PRKN: variants seen among roughly 807,000 people sequenced by gnomAD.
The protein encoded by PRKN is E3 ubiquitin-protein ligase parkin.
PRKN carries 56 observed loss-of-function variants against 59.5 expected under a neutral mutation model. The observed-to-expected ratio is 0.94, with a 90% CI of 0.76 to 1.18. The LOEUF is 1.18. Ranked by LOEUF, PRKN falls within the 50% of genes most tolerant of loss-of-function variation. PRKN has a pLI of 0.00. For synonymous variants in PRKN, 250 were observed against 222.1 expected, an observed-to-expected ratio of 1.13 and a Z score of -1.12; for missense variants, 657 against 596.4, an observed-to-expected ratio of 1.10 and a Z score of -1.06.
chr6:162,511,108 TAA>T (rs1030920939), intron 1 of PRKN, among the ~76,000 whole-genome samples: 8 of 152,160 alleles, frequency 5.3e-5, no homozygotes, highest in African/African-American at 1.9e-4. Flanking sequence ...ATTGAGATCT[TAA>T]AGTTTTTCTA....
chr6:162,067,598 T>C (rs113389117), intron 4 of PRKN, among the ~76,000 whole-genome samples: 29 of 152,078 alleles, frequency 1.9e-4, no homozygotes, highest in African/African-American at 5.8e-4. Flanking sequence ...CCAAATGTGT[T>C]CTATAGTCCA....
At chr6:162,205,157 G>A (rs1333209351) in intron 3 of PRKN, among the ~76,000 whole-genome samples, 2 of 151,950 alleles carry the variant, frequency 1.3e-5, no homozygotes, top group African/African-American at 4.8e-5. Flanking sequence ...CACCACGCCC[G>A]GCCAAGTCCA....
chr6:161,787,168 A>C (rs1390373427), intron 6 of PRKN, among the ~76,000 whole-genome samples: 2 of 152,346 alleles, frequency 1.3e-5, no homozygotes, highest in East Asian at 1.9e-4. Flanking sequence ...TAGAGAAATG[A>C]ATAATACTAA....
rs951472817 is a variant in PRKN, at chr6:161,414,045, T to C, written c.1084-27168A>G. Among the ~76,000 whole-genome samples, 4 of 152,134 alleles carry C rather than the reference T, an allele frequency of 2.6e-5. No homozygotes were observed. Among genetic ancestry groups the C allele is most frequent in the African/African-American group, 9.7e-5 (4 of 41,424 alleles). On this transcript the variant is annotated intron_variant, in intron 9 of 11. Transcript: ENST00000366898. The surrounding 1 kb of genome is among the most constrained non-coding windows in gnomAD (Gnocchi z 5.3). ...GGGACGTGAAACTCCTCGACAGCAC[T>C]GTGTCCTGGGCCGAGGTGGGGAGGG...
chr6:161,612,126 G>A (rs1189794522), intron 7 of PRKN, among the ~76,000 whole-genome samples: 2 of 152,210 alleles, frequency 1.3e-5, no homozygotes, highest in African/African-American at 2.4e-5. Context: ...GAAGCTTAAG[G>A]AAAGAAGCCA....
intron 1 of PRKN, among the ~76,000 whole-genome samples, chr6:162,456,999 C>CA (rs1790907136): frequency 2.0e-5 from 3 of 152,160 alleles, no homozygotes; most frequent in Admixed American, 2.0e-4. Context: ...ACATAGACCT[C>CA]AAAGAGGGCA....
chr6:161,581,413 A>G lies in PRKN; in HGVS notation c.872-11997T>C, dbSNP rs927478297. On this transcript the variant is annotated intron_variant, in intron 7 of 11. Coordinates refer to ENST00000366898, the MANE Select transcript of PRKN (RefSeq NM_004562.3). The surrounding 1 kb of genome is among the most constrained non-coding windows in gnomAD (Gnocchi z 4.5). ...TTATTTAGTGACTTTAAAAATGTCA[A>G]TTAACTACCATGCCCAATAAGTACA... Among the ~76,000 whole-genome samples the G allele has an allele frequency of 3.3e-5, 5 of 152,186 alleles. No homozygotes were observed. Among genetic ancestry groups the G allele is most frequent in the Non-Finnish European group, 5.9e-5 (4 of 68,032 alleles).
intron 1 of PRKN, among the ~76,000 whole-genome samples, chr6:162,610,399 A>G (rs1782098004): frequency 6.6e-6 from 1 of 152,256 alleles, no homozygotes; most frequent in Non-Finnish European, 1.5e-5. Context: ...TAATAAGTTT[A>G]TAACGAATGT....
intron 1 of PRKN, among the ~76,000 whole-genome samples, chr6:162,561,158 A>G (rs944158524): frequency 1.5e-4 from 23 of 152,118 alleles, no homozygotes; most frequent in African/African-American, 3.1e-4. Context: ...AGTGATGAAG[A>G]TAAAGCTGAG....
intron 2 of PRKN, chr6:162,265,073 TAATCTTTCTA>T (rs1780068377): frequency 6.6e-6 from 1 of 152,292 alleles, no homozygotes; most frequent in African/African-American, 2.4e-5. Context: ...GTGTGCTACA[TAATCTTTCTA>T]AAGTGTCTCA....
intron 6 of PRKN, among the ~76,000 whole-genome samples, chr6:161,947,709 G>A (rs553532024): frequency 4.9e-4 from 75 of 152,170 alleles, no homozygotes; most frequent in Non-Finnish European, 1.0e-3. Context: ...GTTTTAAAAC[G>A]GTATTTTTCA....
At position 161,367,373 on chromosome 6, in the gene PRKN, C is replaced by T. The variant is rs1008531045; in HGVS notation, c.1168-7168G>A. Among the ~76,000 whole-genome samples, 11 of 152,130 alleles carry T rather than the reference C, an allele frequency of 7.2e-5. 1 individual carries two copies. The South Asian group carries it at 1.7e-3, about 23-fold the overall frequency. Reference sequence around the variant, plus strand: ...TCTTTTGCAGTGGGGGTGGGGTTCACGCTGACCTCCTGGGACTGTCAAGGG... The same window carrying T: ...TCTTTTGCAGTGGGGGTGGGGTTCATGCTGACCTCCTGGGACTGTCAAGGG... On this transcript the variant is annotated intron_variant, in intron 10 of 11. Coordinates refer to ENST00000366898, the MANE Select transcript of PRKN (RefSeq NM_004562.3).
In PRKN at chr6:161,372,531, G is replaced by A. The variant is rs1785481090; in HGVS notation, c.1168-12326C>T. 6.6e-6 allele frequency among the ~76,000 whole-genome samples: 1 copy of A among 152,194 alleles called. No individual in the cohort carries two copies. The highest frequency in any genetic ancestry group is 2.1e-4 in the South Asian group (1 of 4,834). On this transcript the variant is annotated intron_variant, in intron 10 of 11. Coordinates refer to ENST00000366898, the MANE Select transcript of PRKN (RefSeq NM_004562.3). The surrounding 1 kb of genome is among the most constrained non-coding windows in gnomAD (Gnocchi z 4.2). ...GCCAGGCACTGTCCTGGACCCTGGG[G>A]ATACATCCCAGTAAACAAGAGAGAT...
intron 4 of PRKN, among the ~76,000 whole-genome samples, chr6:162,194,317 A>C (rs945976116): frequency 3.3e-5 from 5 of 152,260 alleles, no homozygotes; most frequent in African/African-American, 1.2e-4. Flanking sequence ...AAATTCCAAA[A>C]GAATGTTTCA....
At chr6:162,266,318 G>GTGTT (rs2128101488) in intron 2 of PRKN, 1 of 152,684 alleles carries the variant, frequency 6.5e-6, no homozygotes, top group African/African-American at 2.4e-5. Flanking sequence ...GTGTGTGTGT[G>GTGTT]TGTGTGTGTG....
Position 161,356,643 on chromosome 6 carries a change from C to T in PRKN, c.1285+3445G>A, listed in dbSNP as rs963377687. Among the ~76,000 whole-genome samples, 3 of 152,042 alleles carry T rather than the reference C, an allele frequency of 2.0e-5. No homozygotes were observed. The highest frequency in any genetic ancestry group is 2.0e-4 in the Admixed American group (3 of 15,272). On this transcript the variant is annotated intron_variant, in intron 11 of 11. Coordinates refer to ENST00000366898, the MANE Select transcript of PRKN (RefSeq NM_004562.3). This position sits in a 1 kb window ranked among gnomAD's most constrained non-coding sequence, Gnocchi z 7.8. ...GGCCGTGGTGACCGGGGATTGAATGCAGGGTGAGGAAGAGCATGGAATGAA... is the reference window on the plus strand; with the variant it reads ...GGCCGTGGTGACCGGGGATTGAATGTAGGGTGAGGAAGAGCATGGAATGAA...
rs1339572938 is a variant in PRKN, at chr6:161,361,718, T to G, written c.1168-1513A>C. On this transcript the variant is annotated intron_variant, in intron 10 of 11. Coordinates refer to ENST00000366898, the MANE Select transcript of PRKN (RefSeq NM_004562.3). The surrounding 1 kb of genome is among the most constrained non-coding windows in gnomAD (Gnocchi z 5.2). ...GCACAAAGGAAACACCCTTGAGAAC[T>G]GCCAGGGTGTCACGTGATTTGTGAA... Among the ~76,000 whole-genome samples the G allele has an allele frequency of 2.0e-5, 3 of 152,190 alleles. No homozygotes were observed. Among genetic ancestry groups the G allele is most frequent in the Non-Finnish European group, 4.4e-5 (3 of 68,028 alleles).
chr6:161,915,744 C>T (rs1222653819), intron 6 of PRKN, among the ~76,000 whole-genome samples: 1 of 152,196 alleles, frequency 6.6e-6, no homozygotes, highest in East Asian at 1.9e-4. Flanking sequence ...ACTTAGCATT[C>T]TCATTTGGAA....
intron 2 of PRKN, among the ~76,000 whole-genome samples, chr6:162,381,471 G>A (rs1786479099): frequency 6.6e-6 from 1 of 152,040 alleles, no homozygotes; most frequent in East Asian, 1.9e-4. Context: ...TACCTCCAAG[G>A]TGAATTTGTG....
Sources: gnomAD v4.1 joint callset for allele counts (sites outside exome capture counted in the v4.1 genomes callset) on GRCh38, gnomAD v4.1.1 for gene constraint, Gnocchi (gnomAD v3.1) non-coding constraint, MANE v1.5 for transcripts, NCBI Gene and HGNC (gene_info 2026-07-23, HGNC 2026-07-21) for gene names.